TCERG1L: variants seen among roughly 807,000 people sequenced by gnomAD.
The protein encoded by TCERG1L is transcription elongation regulator 1-like protein.
TCERG1L carries 37 observed loss-of-function variants against 56.3 expected under a neutral mutation model. That is an observed-to-expected ratio of 0.66 (90% CI 0.51 to 0.87). TCERG1L has a LOEUF of 0.87. Among genes scored for constraint, TCERG1L ranks in the 40% least tolerant of loss-of-function variants. TCERG1L has a pLI of 0.00. For synonymous variants in TCERG1L, 324 were observed against 326.3 expected, an observed-to-expected ratio of 0.99 and a Z score of 0.08; for missense variants, 799 against 774.2, an observed-to-expected ratio of 1.03 and a Z score of -0.38.
chr10:131,143,760 T>C (rs986673026), intron 7 of TCERG1L, among the ~76,000 whole-genome samples: 1 of 151,954 alleles, frequency 6.6e-6, no homozygotes, highest in Non-Finnish European at 1.5e-5. Flanking sequence ...ACGGAACGGA[T>C]GGGGCTGGGG....
intron 4 of TCERG1L, among the ~76,000 whole-genome samples, chr10:131,250,340 G>A (rs1846094860): frequency 6.6e-6 from 1 of 152,236 alleles, no homozygotes; most frequent in South Asian, 2.1e-4. Context: ...TGCCGAGCGG[G>A]AGCCTTTGAG....
At chr10:131,256,985 GAAGGAAGGA>G (rs1846171925) in intron 4 of TCERG1L, among the ~76,000 whole-genome samples, 65 of 79,928 alleles carry the variant, frequency 8.1e-4, no homozygotes, top group East Asian at 5.2e-3. Context: ...AGGAAGGAAG[GAAGGAAGGA>G]AAGAAAGAAA....
intron 2 of TCERG1L, 43 bp from the exon 3 acceptor site, chr10:131,308,434 A>G (rs750152315): frequency 1.3e-6 from 2 of 1,550,522 alleles, no homozygotes; most frequent in East Asian, 4.5e-5. Context: ...GGCAAGGTGC[A>G]TGATAAAAGC....
At chr10:131,176,845 C>G (rs111210342) in intron 4 of TCERG1L, among the ~76,000 whole-genome samples, 2 of 8,614 alleles carry the variant, frequency 2.3e-4, no homozygotes, top group East Asian at 3.4e-3. Flanking sequence ...CACACAGGCA[C>G]ATAGGAACAC....
intron 4 of TCERG1L, among the ~76,000 whole-genome samples, chr10:131,176,923 C>T (rs1387083901): frequency 7.4e-6 from 1 of 134,310 alleles, no homozygotes. Context: ...AAGATACATG[C>T]ACACAGACAC....
chr10:131,311,475 G>GC lies in TCERG1L; in HGVS notation c.160dup (p.Ala54GlyfsTer108). The GC allele has an allele frequency of 8.4e-7, 1 of 1,188,838 alleles. No individual in the cohort carries two copies. The highest frequency in any genetic ancestry group is 1.0e-6 in the Non-Finnish European group (1 of 961,694). 73.6% of individuals were successfully genotyped at this position (1,188,838 alleles called of 1,614,324 possible). On this transcript the variant is annotated frameshift_variant, in exon 1 of 12. Coordinates refer to ENST00000368642, the MANE Select transcript of TCERG1L (RefSeq NM_174937.4). LOFTEE classifies it high-confidence loss of function. The surrounding 1 kb of genome is among the most constrained non-coding windows in gnomAD (Gnocchi z 4.0). ...CAGCACCGGGGGAACCACGACCCCC[G>GC]CGCTGAGCCGGAGCAGCCCGGCCGA... is the stretch of plus-strand genomic sequence containing the variant.
intron 11 of TCERG1L, chr10:131,095,769 T>A (rs1399542282): frequency 6.6e-6 from 1 of 152,148 alleles, no homozygotes; most frequent in African/African-American, 2.4e-5. Context: ...AAATTTATTT[T>A]AAAAAATAGC....
In TCERG1L at chr10:131,168,731, G is replaced by A. The variant is rs538416008; in HGVS notation, c.857-1846C>T. Among the ~76,000 whole-genome samples, 14 of 152,290 alleles carry A rather than the reference G, an allele frequency of 9.2e-5. No individual in the cohort carries two copies. The South Asian group carries it at 1.7e-3, about 18-fold the overall frequency. On this transcript the variant is annotated intron_variant, in intron 4 of 11. Transcript: ENST00000368642. ...GGGTGGCTGGTCTGCCCTTAGTGCCGGCTGCTGGCAAATAGGCTGAGCAGG... is the reference window on the plus strand; with the variant it reads ...GGGTGGCTGGTCTGCCCTTAGTGCCAGCTGCTGGCAAATAGGCTGAGCAGG...
intron 3 of TCERG1L, among the ~76,000 whole-genome samples, chr10:131,307,873 T>C (rs1434504639): frequency 6.6e-6 from 1 of 152,138 alleles, no homozygotes; most frequent in East Asian, 1.9e-4. Flanking sequence ...GCAACATTTT[T>C]TAAAGAGTAG....
intron 3 of TCERG1L, among the ~76,000 whole-genome samples, chr10:131,287,495 C>T (rs1846558627): frequency 1.3e-5 from 2 of 152,134 alleles, no homozygotes; most frequent in Non-Finnish European, 2.9e-5. Flanking sequence ...ATGCAGTCTG[C>T]CCATTTTAGT....
intron 3 of TCERG1L, among the ~76,000 whole-genome samples, chr10:131,301,435 A>G (rs939744614): frequency 6.6e-6 from 1 of 152,104 alleles, no homozygotes. Flanking sequence ...ATCCTAAAGG[A>G]TTAACAGAAA....
chr10:131,296,189 C>T (rs1458139530), intron 3 of TCERG1L, among the ~76,000 whole-genome samples: 1 of 151,904 alleles, frequency 6.6e-6, no homozygotes, highest in African/African-American at 2.4e-5. Context: ...AATATTTGTC[C>T]AATCCAAGGT....
chr10:131,201,884 A>G (rs888422936), intron 4 of TCERG1L, among the ~76,000 whole-genome samples: 1 of 152,136 alleles, frequency 6.6e-6, no homozygotes, highest in African/African-American at 2.4e-5. Context: ...CTGAAGGCGC[A>G]TCCATCGACC....
rs190802120 is a variant in TCERG1L, at chr10:131,305,033, C to T, written c.670+3178G>A. Among the ~76,000 whole-genome samples, 430 of 152,238 alleles carry T rather than the reference C, an allele frequency of 2.8e-3. 8 individuals carry two copies. The highest frequency in any genetic ancestry group is 9.8e-3 in the African/African-American group (406 of 41,480). On this transcript the variant is annotated intron_variant, in intron 3 of 11. Transcript: ENST00000368642. The stretch of plus-strand genomic sequence containing the variant: ...TTTGTGTCTTTGGACATTCTATGTC[C>T]TTAATTTGGAATTCATTCGACTCTT...
At chr10:131,100,673 T>C (rs892365817) in intron 10 of TCERG1L, among the ~76,000 whole-genome samples, 1 of 152,128 alleles carries the variant, frequency 6.6e-6, no homozygotes, top group Admixed American at 6.5e-5. Context: ...CACCCTCTTC[T>C]CCTGTGCAGC....
At chr10:131,232,079 CCTT>C (rs1490349471) in intron 4 of TCERG1L, among the ~76,000 whole-genome samples, 7 of 152,266 alleles carry the variant, frequency 4.6e-5, no homozygotes, top group Middle Eastern at 3.2e-3. Context: ...TCTGCCACCT[CCTT>C]GACTCCAGTC....
intron 9 of TCERG1L, among the ~76,000 whole-genome samples, chr10:131,109,272 T>C (rs994921378): frequency 4.6e-5 from 7 of 152,172 alleles, no homozygotes; most frequent in African/African-American, 1.7e-4. Context: ...CTGCAGAAGT[T>C]TGTGATCCAC....
chr10:131,268,000 C>T lies in TCERG1L; in HGVS notation c.671-7556G>A, dbSNP rs977634441. On this transcript the variant is annotated intron_variant, in intron 3 of 11. Transcript: ENST00000368642. The surrounding 1 kb of genome is among the most constrained non-coding windows in gnomAD (Gnocchi z 4.9). ...GGGAGCGAATTGCAGGCCCTGGGCC[C>T]AGCTGCCAGGAGTGCCAGGCTCAGC... Among the ~76,000 whole-genome samples the T allele has an allele frequency of 1.3e-5, 2 of 152,192 alleles. No homozygotes were observed. The highest frequency in any genetic ancestry group is 2.9e-5 in the Non-Finnish European group (2 of 68,028).
intron 3 of TCERG1L, among the ~76,000 whole-genome samples, chr10:131,270,846 C>G (rs1008803555): frequency 6.6e-6 from 1 of 152,200 alleles, no homozygotes; most frequent in Non-Finnish European, 1.5e-5. Flanking sequence ...ATGGTGCCGA[C>G]GTTCCTGTTC....
Sources: allele counts gnomAD v4.1 joint callset (sites outside exome capture counted in the v4.1 genomes callset), GRCh38; gene constraint gnomAD v4.1.1; non-coding constraint Gnocchi (gnomAD v3.1); transcripts MANE v1.5; gene names NCBI Gene and HGNC (gene_info 2026-07-23, HGNC 2026-07-21).